The following CHSY3 variants were observed in gnomAD, a reference collection of about 807,000 sequenced individuals.
CHSY3 encodes the protein N-acetylgalactosaminyl-proteoglycan 3-beta-glucuronosyltransferase 3.
In CHSY3, 35 loss-of-function variants were observed where a neutral mutation model predicts 67.2. The ratio of observed to expected loss-of-function variants is 0.52; its 90% CI spans 0.40 to 0.69. CHSY3 has a LOEUF of 0.69. Ranked by LOEUF, CHSY3 falls within the 30% of genes least tolerant of loss-of-function variation. The pLI is 0.00. For missense variants in CHSY3, 1,069 were observed against 1,138.5 expected, an observed-to-expected ratio of 0.94 and a Z score of 0.88; for synonymous variants, 474 against 434.7, an observed-to-expected ratio of 1.09 and a Z score of -1.12.
At chr5:129,915,700 G>A (rs1760710526) in intron 2 of CHSY3, among the ~76,000 whole-genome samples, 1 of 152,072 alleles carries the variant, frequency 6.6e-6, no homozygotes, top group African/African-American at 2.4e-5. Context: ...TCAAAAAGTG[G>A]TGGTTTAAAG....
intron 2 of CHSY3, among the ~76,000 whole-genome samples, chr5:130,064,039 A>G (rs568840085): frequency 1.3e-5 from 2 of 152,236 alleles, no homozygotes; most frequent in South Asian, 2.1e-4. Context: ...GGAATTACTC[A>G]TATGGACTAA....
intron 2 of CHSY3, among the ~76,000 whole-genome samples, chr5:129,971,089 T>C (rs1355315685): frequency 6.6e-6 from 1 of 151,834 alleles, no homozygotes; most frequent in Non-Finnish European, 1.5e-5. Context: ...ATATTTGGAA[T>C]TCAAAGGACA....
intron 2 of CHSY3, among the ~76,000 whole-genome samples, chr5:130,091,051 C>T (rs1766859651): frequency 6.6e-6 from 1 of 151,548 alleles, no homozygotes; most frequent in Non-Finnish European, 1.5e-5. Flanking sequence ...CTCTTATTTA[C>T]CAGAAATGAC....
chr5:129,906,336 T>G (rs1190936051), intron 1 of CHSY3, among the ~76,000 whole-genome samples: 1 of 151,996 alleles, frequency 6.6e-6, no homozygotes. Flanking sequence ...CCTGAGAGGA[T>G]GGGCATGTTG....
chr5:130,167,010 T>G (rs1769765516), intron 2 of CHSY3, among the ~76,000 whole-genome samples: 3 of 152,100 alleles, frequency 2.0e-5, no homozygotes, highest in Admixed American at 1.3e-4. Flanking sequence ...GAAGACTTAT[T>G]CAAGACTACT....
intron 2 of CHSY3, among the ~76,000 whole-genome samples, chr5:129,964,177 A>G (rs1762410293): frequency 6.6e-6 from 1 of 151,880 alleles, no homozygotes; most frequent in Non-Finnish European, 1.5e-5. Context: ...TTTTTAGAGA[A>G]GAAACTCTGA....
chr5:129,945,305 G>A (rs1396559205), intron 2 of CHSY3, among the ~76,000 whole-genome samples: 4 of 152,154 alleles, frequency 2.6e-5, no homozygotes, highest in Non-Finnish European at 5.9e-5. Flanking sequence ...TTGCTAGTCT[G>A]TTCTTTTCAG....
rs185657386 is a variant in CHSY3, at chr5:130,177,628, C to T, written c.1087-6601C>T. ...TTTCATTGAGAAGTCTATAGACATGCTGCTTTTTGAGCCTTTTATCACTGT... is the reference window on the plus strand; with the variant it reads ...TTTCATTGAGAAGTCTATAGACATGTTGCTTTTTGAGCCTTTTATCACTGT... On this transcript the variant is annotated intron_variant, in intron 2 of 2. Transcript: ENST00000305031. Among the ~76,000 whole-genome samples, 49 of 152,204 alleles carry T rather than the reference C, an allele frequency of 3.2e-4. 1 individual carries two copies. In the East Asian group the frequency reaches 9.3e-3, roughly 29 times the overall value.
intron 2 of CHSY3, among the ~76,000 whole-genome samples, chr5:129,999,937 T>G (rs2149637689): frequency 6.6e-6 from 1 of 152,266 alleles, no homozygotes; most frequent in South Asian, 2.1e-4. Context: ...TCTTCCTTTC[T>G]GATTCCATCC....
chr5:130,137,990 A>G (rs1219121686), intron 2 of CHSY3, among the ~76,000 whole-genome samples: 1 of 152,158 alleles, frequency 6.6e-6, no homozygotes, highest in Non-Finnish European at 1.5e-5. Flanking sequence ...TTGGTAGCCA[A>G]TTGAAATAAA....
chr5:130,014,957 C>T (rs535061454), intron 2 of CHSY3, among the ~76,000 whole-genome samples: 19 of 152,246 alleles, frequency 1.2e-4, no homozygotes, highest in African/African-American at 4.6e-4. Flanking sequence ...GCAAACCATA[C>T]ATCTGACAAA....
intron 2 of CHSY3, among the ~76,000 whole-genome samples, chr5:130,147,695 G>A (rs1011779279): frequency 3.9e-5 from 6 of 152,174 alleles, no homozygotes; most frequent in Admixed American, 1.3e-4. Flanking sequence ...GCCTCAGGGA[G>A]CTTACAATCT....
At chr5:130,027,350 A>C (rs183257730) in intron 2 of CHSY3, among the ~76,000 whole-genome samples, 36 of 152,204 alleles carry the variant, frequency 2.4e-4, no homozygotes, top group African/African-American at 7.7e-4. Context: ...GAGCACCTCA[A>C]CCTCTGTGAA....
chr5:130,124,726 G>A (rs779245737), intron 2 of CHSY3, among the ~76,000 whole-genome samples: 2 of 152,134 alleles, frequency 1.3e-5, no homozygotes, highest in Non-Finnish European at 2.9e-5. Flanking sequence ...CCAAAGTGAT[G>A]GGATTACAGG....
At chr5:130,162,057 A>AAAAGAAAG (rs1554087188) in intron 2 of CHSY3, among the ~76,000 whole-genome samples, 107 of 122,974 alleles carry the variant, frequency 8.7e-4, no homozygotes, top group African/African-American at 1.6e-3. Flanking sequence ...AAAAAAAAAA[A>AAAAGAAAG]AAAGAAAGAA....
At chr5:130,039,329 A>T (rs1324078628) in intron 2 of CHSY3, among the ~76,000 whole-genome samples, 1 of 152,076 alleles carries the variant, frequency 6.6e-6, no homozygotes, top group Non-Finnish European at 1.5e-5. Flanking sequence ...TCTACAAAAA[A>T]TAAGAATAAA....
intron 2 of CHSY3, among the ~76,000 whole-genome samples, chr5:130,120,383 G>A (rs1393135759): frequency 1.4e-5 from 2 of 144,930 alleles, no homozygotes; most frequent in African/African-American, 5.1e-5. Context: ...TAGCCTGTAA[G>A]ATAACACTCA....
chr5:130,037,319 C>A (rs1237094019), intron 2 of CHSY3, among the ~76,000 whole-genome samples: 3 of 152,222 alleles, frequency 2.0e-5, no homozygotes, highest in African/African-American at 7.2e-5. Context: ...ATGAGGGACA[C>A]CCTTCCCACC....
At chr5:130,056,983 G>T (rs1328866635) in intron 2 of CHSY3, among the ~76,000 whole-genome samples, 1 of 140,352 alleles carries the variant, frequency 7.1e-6, no homozygotes, top group Non-Finnish European at 1.5e-5. Flanking sequence ...GAGTGCAGTG[G>T]CGTGATCTCG....
Sources: gnomAD v4.1 joint callset for allele counts (sites outside exome capture counted in the v4.1 genomes callset) on GRCh38, gnomAD v4.1.1 for gene constraint, MANE v1.5 for transcripts, NCBI Gene and HGNC (gene_info 2026-07-23, HGNC 2026-07-21) for gene names.